MAST4: variants seen among roughly 807,000 people sequenced by gnomAD.
The protein encoded by MAST4 is microtubule-associated serine/threonine-protein kinase 4.
A neutral mutation model predicts 162.7 loss-of-function variants in MAST4; 89 were observed. The observed-to-expected ratio is 0.55, with a 90% CI of 0.46 to 0.65. MAST4 has a LOEUF of 0.65. MAST4 is among the 30% of genes least tolerant of loss of function. The pLI, the probability that MAST4 is intolerant of heterozygous loss-of-function variation, is 0.00. For synonymous variants in MAST4, 1,479 were observed against 1,361.1 expected, an observed-to-expected ratio of 1.09 and a Z score of -1.91; for missense variants, 3,153 against 3,374.0, an observed-to-expected ratio of 0.93 and a Z score of 1.62.
chr5:67,167,148 C>A lies in MAST4; in HGVS notation c.*97C>A. 1 of 1,093,468 alleles carries A rather than the reference C, an allele frequency of 9.1e-7. No individual in the cohort carries two copies. The highest frequency in any genetic ancestry group is 1.6e-5 in the African/African-American group (1 of 63,246). 67.7% of individuals were successfully genotyped at this position (1,093,468 alleles called of 1,614,324 possible). ...AACCAGCACTGTGTGGGAATGTCCGCCAGGCAGAGCTCGGAGCCTCATTGA... is the reference window on the plus strand; with the variant it reads ...AACCAGCACTGTGTGGGAATGTCCGACAGGCAGAGCTCGGAGCCTCATTGA... On this transcript the variant is annotated 3_prime_UTR_variant, in exon 29 of 29. Transcript: ENST00000403625.
chr5:66,622,651 C>G (rs75121202), intron 1 of MAST4, among the ~76,000 whole-genome samples: 4 of 151,976 alleles, frequency 2.6e-5, no homozygotes, highest in African/African-American at 7.2e-5. Flanking sequence ...AGCAAACAGG[C>G]TCAGGATGTG....
At chr5:66,793,307 T>C (rs1446654905) in intron 3 of MAST4, among the ~76,000 whole-genome samples, 2 of 152,214 alleles carry the variant, frequency 1.3e-5, no homozygotes, top group Non-Finnish European at 2.9e-5. Flanking sequence ...GTCCGCCTGC[T>C]GGGACACCAG....
chr5:67,129,805 C>T (rs934769047), intron 14 of MAST4, among the ~76,000 whole-genome samples: 22 of 151,884 alleles, frequency 1.4e-4, no homozygotes, highest in Admixed American at 1.2e-3. Flanking sequence ...TACTATCTAA[C>T]GCTAGAAAGG....
intron 5 of MAST4, among the ~76,000 whole-genome samples, chr5:67,081,385 T>A (rs972299230): frequency 5.3e-5 from 8 of 151,938 alleles, no homozygotes; most frequent in Admixed American, 1.3e-4. Flanking sequence ...TTAATGCTGT[T>A]TTGAGAATAC....
chr5:66,693,990 A>G (rs1445952921), intron 1 of MAST4, among the ~76,000 whole-genome samples: 8 of 152,230 alleles, frequency 5.3e-5, no homozygotes, highest in Admixed American at 2.6e-4. Context: ...GGAATGGTAC[A>G]TGAACATACT....
intron 3 of MAST4, among the ~76,000 whole-genome samples, chr5:66,798,141 G>T (rs1422370855): frequency 1.2e-4 from 18 of 152,172 alleles, no homozygotes; most frequent in Admixed American, 1.2e-3. Context: ...CTGTGCATTT[G>T]TTAGATTCAG....
At chr5:66,826,161 T>A (rs972027272) in intron 3 of MAST4, among the ~76,000 whole-genome samples, 10 of 152,184 alleles carry the variant, frequency 6.6e-5, no homozygotes, top group Admixed American at 6.5e-5. Context: ...TGTTTTTGCC[T>A]CTGGCTGGTT....
At chr5:66,989,412 T>C (rs560019379) in intron 4 of MAST4, among the ~76,000 whole-genome samples, 49 of 152,282 alleles carry the variant, frequency 3.2e-4, no homozygotes, top group South Asian at 8.3e-4. Context: ...GACCCAGTCA[T>C]TGATGAGTTG....
At chr5:66,630,826 T>C (rs533949113) in intron 1 of MAST4, among the ~76,000 whole-genome samples, 5 of 152,334 alleles carry the variant, frequency 3.3e-5, no homozygotes, top group African/African-American at 1.2e-4. Flanking sequence ...TGGTGCCTTA[T>C]AGATTTCTAG....
intron 4 of MAST4, among the ~76,000 whole-genome samples, chr5:67,022,513 C>T (rs1365278935): frequency 1.3e-5 from 2 of 151,946 alleles, no homozygotes; most frequent in African/African-American, 4.8e-5. Flanking sequence ...ATAAAATTCC[C>T]TCATGTGGAA....
intron 4 of MAST4, among the ~76,000 whole-genome samples, chr5:67,038,196 A>G (rs887101374): frequency 6.6e-6 from 1 of 151,380 alleles, no homozygotes; most frequent in African/African-American, 2.4e-5. Flanking sequence ...TCTAGTTTAG[A>G]TGATTTTATA....
At chr5:66,879,018 G>T (rs562693320) in intron 3 of MAST4, among the ~76,000 whole-genome samples, 1 of 152,228 alleles carries the variant, frequency 6.6e-6, no homozygotes, top group African/African-American at 2.4e-5. Context: ...GGTGGCTCAC[G>T]CCTGTAATCC....
intron 3 of MAST4, among the ~76,000 whole-genome samples, chr5:66,829,530 A>G (rs541126465): frequency 6.6e-6 from 1 of 152,156 alleles, no homozygotes; most frequent in South Asian, 2.1e-4. Flanking sequence ...TGGAAAAAAC[A>G]ACAACAACAA....
chr5:66,855,494 C>T (rs149162596), intron 3 of MAST4, among the ~76,000 whole-genome samples: 3 of 152,218 alleles, frequency 2.0e-5, no homozygotes, highest in East Asian at 1.9e-4. Flanking sequence ...GGTGTTTGCT[C>T]GCTTCATTTG....
At chr5:66,916,577 A>G (rs1334368520) in intron 4 of MAST4, among the ~76,000 whole-genome samples, 2 of 152,196 alleles carry the variant, frequency 1.3e-5, no homozygotes, top group Non-Finnish European at 2.9e-5. Flanking sequence ...ATCCCTTCCA[A>G]TCCCTGTCTC....
intron 2 of MAST4, among the ~76,000 whole-genome samples, chr5:66,780,213 C>G (rs926442702): frequency 6.6e-6 from 1 of 152,176 alleles, no homozygotes; most frequent in Non-Finnish European, 1.5e-5. Context: ...TAAACAGGAA[C>G]TCCCCATTCC....
At chr5:67,148,784 G>A (rs1472031318) in intron 23 of MAST4, among the ~76,000 whole-genome samples, 1 of 152,112 alleles carries the variant, frequency 6.6e-6, no homozygotes, top group Non-Finnish European at 1.5e-5. Flanking sequence ...ATGAAAGGAG[G>A]CATATGGCCT....
intron 1 of MAST4, among the ~76,000 whole-genome samples, chr5:66,630,773 AAAAAT>A (rs1744744657): frequency 6.6e-6 from 1 of 152,188 alleles, no homozygotes; most frequent in Non-Finnish European, 1.5e-5. Context: ...ATAAGTACTT[AAAAAT>A]AAAGAAGTGG....
chr5:66,833,847 T>A (rs1386925753), intron 3 of MAST4, among the ~76,000 whole-genome samples: 1 of 152,166 alleles, frequency 6.6e-6, no homozygotes, highest in African/African-American at 2.4e-5. Context: ...ATAAAACCAT[T>A]GAGGATTACT....
Sources: gnomAD v4.1 joint callset for allele counts (sites outside exome capture counted in the v4.1 genomes callset) on GRCh38, gnomAD v4.1.1 for gene constraint, MANE v1.5 for transcripts, NCBI Gene and HGNC (gene_info 2026-07-23, HGNC 2026-07-21) for gene names.